RFX3: variants seen among roughly 807,000 people sequenced by gnomAD.
RFX3 encodes the protein transcription factor RFX3.
In RFX3, 14 loss-of-function variants were observed where a neutral mutation model predicts 98.6. The observed-to-expected ratio is 0.14, with a 90% CI of 0.09 to 0.22. The LOEUF (loss-of-function observed/expected upper bound fraction) is 0.22, where lower values mean the gene tolerates loss of function less well. Ranked by LOEUF, RFX3 falls within the 10% of genes least tolerant of loss-of-function variation. RFX3 has a pLI of 1.00. For synonymous variants in RFX3, 383 were observed against 328.4 expected (o/e 1.17, Z -1.80); for missense variants, 639 against 926.9 (o/e 0.69, Z 4.03).
intron 12 of RFX3, among the ~76,000 whole-genome samples, chr9:3,265,199 G>A (rs1823462227): frequency 6.6e-6 from 1 of 152,166 alleles, no homozygotes; most frequent in African/African-American, 2.4e-5. Flanking sequence ...GTATGACTGA[G>A]GAGCTAGTTT....
chr9:3,355,167 A>G (rs1198982917), intron 2 of RFX3, among the ~76,000 whole-genome samples: 2 of 151,900 alleles, frequency 1.3e-5, no homozygotes, highest in Non-Finnish European at 2.9e-5. Flanking sequence ...AGGAAATAAA[A>G]GAACAGATGG....
intron 2 of RFX3, among the ~76,000 whole-genome samples, chr9:3,361,375 A>G (rs983681281): frequency 1.3e-5 from 2 of 152,182 alleles, no homozygotes; most frequent in African/African-American, 4.8e-5. Flanking sequence ...AAAAAAGTCA[A>G]AAGCACAGTA....
intron 1 of RFX3, among the ~76,000 whole-genome samples, chr9:3,496,095 A>C (rs1851089708): frequency 6.6e-6 from 1 of 152,004 alleles, no homozygotes; most frequent in African/African-American, 2.4e-5. Context: ...TCAACATTGT[A>C]AGGTGCTTAC....
At chr9:3,451,045 C>A (rs1297032776) in intron 1 of RFX3, among the ~76,000 whole-genome samples, 1 of 151,958 alleles carries the variant, frequency 6.6e-6, no homozygotes, top group East Asian at 1.9e-4. Context: ...ATATAAAAGG[C>A]GAATCTGGAG....
intron 5 of RFX3, among the ~76,000 whole-genome samples, chr9:3,295,142 T>C (rs1184163761): frequency 1.3e-5 from 2 of 152,010 alleles, no homozygotes; most frequent in African/African-American, 4.8e-5. Context: ...GGCAGTCTGA[T>C]TGGGAAATTA....
chr9:3,326,801 G>C (rs936247924), intron 4 of RFX3, among the ~76,000 whole-genome samples: 3 of 152,102 alleles, frequency 2.0e-5, no homozygotes, highest in African/African-American at 7.2e-5. Context: ...ATAGGAACTG[G>C]GTAACAGTGT....
At chr9:3,236,791 G>C (rs1467295415) in intron 15 of RFX3, among the ~76,000 whole-genome samples, 1 of 152,216 alleles carries the variant, frequency 6.6e-6, no homozygotes, top group African/African-American at 2.4e-5. Context: ...CTACTCACTT[G>C]AGGGTCATCA....
At position 3,386,060 on chromosome 9, in the gene RFX3, TTCTGATCTAGAG is replaced by T. The variant is rs1474740642; in HGVS notation, c.117+9400_117+9411del. Among the ~76,000 whole-genome samples the T allele has an allele frequency of 2.0e-5, 3 of 152,290 alleles. No homozygotes were observed. The South Asian group carries it at 6.2e-4, about 32-fold the overall frequency. On this transcript the variant is annotated intron_variant, in intron 2 of 16. Coordinates refer to ENST00000617270, the MANE Select transcript of RFX3 (RefSeq NM_001282116.2). Reference sequence around the variant, plus strand: ...GCAGATCAGAGGAAGTTGGTGTTGGTTCTGATCTAGAGTCTGAGCCTCCCTGACTCATAATCC... The same window carrying T: ...GCAGATCAGAGGAAGTTGGTGTTGGTTCTGAGCCTCCCTGACTCATAATCC...
chr9:3,388,945 G>A (rs1046226722), intron 2 of RFX3, among the ~76,000 whole-genome samples: 6 of 152,086 alleles, frequency 3.9e-5, no homozygotes, highest in African/African-American at 9.7e-5. Flanking sequence ...AGGTAAGACA[G>A]ACAGAGATAG....
intron 3 of RFX3, among the ~76,000 whole-genome samples, chr9:3,344,072 G>A (rs541901139): frequency 6.6e-6 from 1 of 152,208 alleles, no homozygotes; most frequent in East Asian, 1.9e-4. Context: ...CTATTATGTG[G>A]AAGACCCTAA....
At chr9:3,358,657 T>C (rs1022978121) in intron 2 of RFX3, among the ~76,000 whole-genome samples, 1 of 152,104 alleles carries the variant, frequency 6.6e-6, no homozygotes, top group African/African-American at 2.4e-5. Context: ...GGTAACACCA[T>C]TTTTATTATT....
intron 1 of RFX3, among the ~76,000 whole-genome samples, chr9:3,522,552 TGTGC>T (rs960103461): frequency 1.5e-5 from 2 of 136,708 alleles, no homozygotes; most frequent in Admixed American, 1.4e-4. Context: ...GAAAAGTGTG[TGTGC>T]GTGTGTGTGT....
chr9:3,487,762 G>A (rs1163757559), intron 1 of RFX3, among the ~76,000 whole-genome samples: 6 of 152,004 alleles, frequency 3.9e-5, no homozygotes, highest in Non-Finnish European at 8.8e-5. Flanking sequence ...TCCCTCCAAA[G>A]GTGTCCCCTG....
chr9:3,423,182 A>G (rs936689567), intron 1 of RFX3, among the ~76,000 whole-genome samples: 10 of 152,168 alleles, frequency 6.6e-5, no homozygotes, highest in African/African-American at 2.4e-4. Context: ...GCTCTCTGTG[A>G]AGGAAGGAAT....
intron 1 of RFX3, among the ~76,000 whole-genome samples, chr9:3,399,050 T>A (rs900982319): frequency 2.6e-5 from 4 of 151,746 alleles, no homozygotes; most frequent in Non-Finnish European, 5.9e-5. Flanking sequence ...ATGGACTACA[T>A]TTGACTCCCC....
chr9:3,302,935 A>G (rs891385929), intron 4 of RFX3, among the ~76,000 whole-genome samples: 10 of 151,828 alleles, frequency 6.6e-5, no homozygotes, highest in African/African-American at 2.4e-4. Context: ...AGTTAATAAA[A>G]CATAATACTG....
chr9:3,509,516 C>T (rs1157599380), intron 1 of RFX3, among the ~76,000 whole-genome samples: 1 of 151,806 alleles, frequency 6.6e-6, no homozygotes, highest in East Asian at 1.9e-4. Flanking sequence ...ATTAAATATA[C>T]AATATTTTTC....
rs77246006 is a variant in RFX3, at chr9:3,466,409, G to A, written c.-9+59338C>T. Among the ~76,000 whole-genome samples, 523 of 152,224 alleles carry A rather than the reference G, an allele frequency of 3.4e-3. 26 individuals carry two copies. The East Asian group carries it at 0.068, about 20-fold the overall frequency. The stretch of plus-strand genomic sequence containing the variant: ...TAATAAATTATTAAAAGAAAAAAAT[G>A]TGATGCAATAAAAGCAATGTTTTAG... On this transcript the variant is annotated intron_variant, in intron 1 of 16. Transcript: ENST00000617270.
At chr9:3,367,957 T>G (rs1331737845) in intron 2 of RFX3, among the ~76,000 whole-genome samples, 1 of 152,138 alleles carries the variant, frequency 6.6e-6, no homozygotes, top group Non-Finnish European at 1.5e-5. Flanking sequence ...TCACAAGAGG[T>G]TAGGATATAT....
Sources: allele counts gnomAD v4.1 joint callset (sites outside exome capture counted in the v4.1 genomes callset), GRCh38; gene constraint gnomAD v4.1.1; transcripts MANE v1.5; gene names NCBI Gene and HGNC (gene_info 2026-07-23, HGNC 2026-07-21).